TRPC1: variants seen among roughly 807,000 people sequenced by gnomAD.
The protein encoded by TRPC1 is transient receptor potential cation channel subfamily C member 1.
In TRPC1, 42 loss-of-function variants were observed where a neutral mutation model predicts 88.2. The observed-to-expected ratio is 0.48, with a 90% confidence interval of 0.37 to 0.62. The LOEUF is 0.62. Among genes scored for constraint, TRPC1 ranks in the 20% least tolerant of loss-of-function variants. The probability of loss-of-function intolerance (pLI) is 0.00; values close to 1 mark genes in which losing one functional copy is unlikely to be tolerated. For synonymous variants in TRPC1, 288 were observed against 331.8 expected, an observed-to-expected ratio of 0.87 and a Z score of 1.43; for missense variants, 699 against 957.3, an observed-to-expected ratio of 0.73 and a Z score of 3.56.
At chr3:142,769,368 T>C (rs1339473887) in intron 4 of TRPC1, among the ~76,000 whole-genome samples, 6 of 152,178 alleles carry the variant, frequency 3.9e-5, no homozygotes, top group Admixed American at 3.9e-4. Flanking sequence ...TTAAAACATT[T>C]TTATTTTTGA....
In TRPC1 at chr3:142,792,996, T is replaced by C. The variant is rs372380533; in HGVS notation, c.1581+29T>C. On this transcript the variant is annotated intron_variant, in intron 9 of 12. Coordinates refer to ENST00000476941, the MANE Select transcript of TRPC1 (RefSeq NM_001251845.2). This position sits in a 1 kb window ranked among gnomAD's most constrained non-coding sequence, Gnocchi z 4.0. ...AATAATTAAAATTTCTTAAAGAACATTTTTTAGATGTCATTATTGTTACAT... is the reference window on the plus strand; with the variant it reads ...AATAATTAAAATTTCTTAAAGAACACTTTTTAGATGTCATTATTGTTACAT... The C allele has an allele frequency of 9.7e-6, 15 of 1,539,190 alleles. No homozygotes were observed. The highest frequency in any genetic ancestry group is 4.6e-5 in the East Asian group (2 of 43,112).
At chr3:142,763,983 T>TATATATATATATAC (rs1441314374) in intron 4 of TRPC1, among the ~76,000 whole-genome samples, 5 of 74,326 alleles carry the variant, frequency 6.7e-5, no homozygotes, top group Non-Finnish European at 1.1e-4. Context: ...TATATATATA[T>TATATATATATATAC]ACACATACAT....
At chr3:142,745,501 G>T (rs551821286) in intron 3 of TRPC1, among the ~76,000 whole-genome samples, 3 of 152,070 alleles carry the variant, frequency 2.0e-5, no homozygotes, top group Non-Finnish European at 4.4e-5. Flanking sequence ...AAAATTAGCC[G>T]GGCGTGGTGC....
At chr3:142,766,953 T>C (rs1189849320) in intron 4 of TRPC1, among the ~76,000 whole-genome samples, 1 of 152,236 alleles carries the variant, frequency 6.6e-6, no homozygotes, top group Non-Finnish European at 1.5e-5. Context: ...CCTTTAAATT[T>C]CCAAATAAAG....
At chr3:142,730,412 GTAA>G (rs927068708) in intron 1 of TRPC1, among the ~76,000 whole-genome samples, 2 of 152,030 alleles carry the variant, frequency 1.3e-5, no homozygotes, top group African/African-American at 4.8e-5. Context: ...AGAAATTATG[GTAA>G]TAATTGTCTT....
At chr3:142,742,509 T>G (rs566459778) in intron 2 of TRPC1, among the ~76,000 whole-genome samples, 2 of 152,282 alleles carry the variant, frequency 1.3e-5, no homozygotes, top group African/African-American at 4.8e-5. Context: ...TTAGTTCTAT[T>G]TTTTACATCC....
chr3:142,781,390 G>A (rs955598533), intron 6 of TRPC1, among the ~76,000 whole-genome samples: 3 of 152,090 alleles, frequency 2.0e-5, no homozygotes, highest in African/African-American at 7.2e-5. Context: ...TTATAGTGAA[G>A]TTTCCATCTT....
chr3:142,771,033 G>A (rs1051997182), intron 4 of TRPC1, among the ~76,000 whole-genome samples: 1 of 152,104 alleles, frequency 6.6e-6, no homozygotes, highest in Non-Finnish European at 1.5e-5. Flanking sequence ...AGAAGGTGGT[G>A]CCAGGTTCTT....
At chr3:142,748,485 A>G (rs759873940) in intron 4 of TRPC1, 25 bp downstream of exon 4, 1 of 1,604,092 alleles carries the variant, frequency 6.2e-7, no homozygotes, top group East Asian at 2.2e-5. Flanking sequence ...CTTTTGATAA[A>G]TAGATGTGTG....
chr3:142,757,723 G>C (rs2108066516), intron 4 of TRPC1, among the ~76,000 whole-genome samples: 1 of 152,154 alleles, frequency 6.6e-6, no homozygotes, highest in Middle Eastern at 3.4e-3. Flanking sequence ...ATGACAGGTT[G>C]ATTGGTGCAG....
intron 9 of TRPC1, among the ~76,000 whole-genome samples, chr3:142,797,560 C>CTAA (rs1322132435): frequency 6.6e-6 from 1 of 152,050 alleles, no homozygotes; most frequent in East Asian, 1.9e-4. Flanking sequence ...TCTGTTTGGT[C>CTAA]TAATTATTAG....
chr3:142,755,785 CT>C (rs545252750), intron 4 of TRPC1, among the ~76,000 whole-genome samples: 1 of 152,042 alleles, frequency 6.6e-6, no homozygotes, highest in African/African-American at 2.4e-5. Flanking sequence ...TCAAAAAAGG[CT>C]TTTTTTACAG....
At chr3:142,745,264 C>T (rs1353778491) in intron 3 of TRPC1, among the ~76,000 whole-genome samples, 1 of 152,278 alleles carries the variant, frequency 6.6e-6, no homozygotes, top group East Asian at 1.9e-4. Context: ...CCTTTTAGTC[C>T]ATTTCCTTTC....
chr3:142,762,485 A>C (rs1935220585), intron 4 of TRPC1, among the ~76,000 whole-genome samples: 1 of 136,234 alleles, frequency 7.3e-6, no homozygotes, highest in Non-Finnish European at 1.5e-5. Context: ...GCTGGAGTGC[A>C]ATGGCGTGAT....
intron 4 of TRPC1, among the ~76,000 whole-genome samples, chr3:142,754,068 T>G (rs1934872073): frequency 8.4e-6 from 1 of 118,614 alleles, no homozygotes; most frequent in Non-Finnish European, 1.6e-5. Flanking sequence ...CTAGCCTAAG[T>G]GACAGAGCGA....
intron 4 of TRPC1, among the ~76,000 whole-genome samples, chr3:142,765,793 T>C (rs1249130854): frequency 6.6e-6 from 1 of 152,046 alleles, no homozygotes; most frequent in East Asian, 1.9e-4. Flanking sequence ...AGATGATCTA[T>C]AGAATGAGAG....
intron 9 of TRPC1, among the ~76,000 whole-genome samples, chr3:142,796,144 G>T (rs1447007706): frequency 6.6e-6 from 1 of 152,048 alleles, no homozygotes; most frequent in East Asian, 1.9e-4. Context: ...GAGGCATAGA[G>T]ACATTAAGTA....
At chr3:142,748,878 C>T (rs1577958718) in intron 4 of TRPC1, among the ~76,000 whole-genome samples, 1 of 152,168 alleles carries the variant, frequency 6.6e-6, no homozygotes, top group Admixed American at 6.5e-5. Context: ...ACACAATGTT[C>T]AAGTCTTTTT....
rs539249749 is a variant in TRPC1, at chr3:142,781,720, A to G, written c.960+691A>G. Among the ~76,000 whole-genome samples the G allele has an allele frequency of 8.5e-5, 13 of 152,300 alleles. No homozygotes were observed. In the South Asian group the frequency reaches 2.5e-3, roughly 29 times the overall value. Reference sequence around the variant, plus strand: ...TCATTTTTGAGATAATTAACTAAACAGTGATATTCATATGTAGATAATAAT... The same window carrying G: ...TCATTTTTGAGATAATTAACTAAACGGTGATATTCATATGTAGATAATAAT... On this transcript the variant is annotated intron_variant, in intron 6 of 12. Transcript: ENST00000476941.
Sources: allele counts gnomAD v4.1 joint callset (sites outside exome capture counted in the v4.1 genomes callset), GRCh38; gene constraint gnomAD v4.1.1; non-coding constraint Gnocchi (gnomAD v3.1); transcripts MANE v1.5; gene names NCBI Gene and HGNC (gene_info 2026-07-23, HGNC 2026-07-21).